The following CNIH3 variants were observed in gnomAD, a reference collection of about 807,000 sequenced individuals.
CNIH3 encodes the protein protein cornichon homolog 3.
CNIH3 carries 14 observed loss-of-function variants against 24.1 expected under a neutral mutation model. That is an observed-to-expected ratio of 0.58 (90% CI 0.38 to 0.91). The LOEUF is 0.91. Among genes scored for constraint, CNIH3 ranks in the 40% least tolerant of loss-of-function variants. CNIH3 has a pLI of 0.00. For missense variants in CNIH3, 178 were observed against 196.8 expected (o/e 0.90, Z 0.57); for synonymous variants, 68 against 73.8 (o/e 0.92, Z 0.40).
At chr1:224,644,557 A>G (rs1349740091) in intron 1 of CNIH3, among the ~76,000 whole-genome samples, 3 of 152,190 alleles carry the variant, frequency 2.0e-5, no homozygotes, top group South Asian at 2.1e-4. Flanking sequence ...AACAAATTCT[A>G]CAAATCAAGG....
intron 4 of CNIH3, among the ~76,000 whole-genome samples, chr1:224,733,680 C>A (rs1031073490): frequency 6.6e-6 from 1 of 152,198 alleles, no homozygotes; most frequent in African/African-American, 2.4e-5. Context: ...GTCCCAGAGC[C>A]CAGGGAAGCC....
chr1:224,577,604 C>A (rs570240130), intron 4 of CNIH3, among the ~76,000 whole-genome samples: 1 of 152,080 alleles, frequency 6.6e-6, no homozygotes, highest in South Asian at 2.1e-4. Context: ...CACTTTTATA[C>A]TGCTGGTGAG....
intron 4 of CNIH3, among the ~76,000 whole-genome samples, chr1:224,580,952 C>T (rs2125013958): frequency 6.6e-6 from 1 of 152,246 alleles, no homozygotes; most frequent in African/African-American, 2.4e-5. Flanking sequence ...GAGGACAATT[C>T]TAGTCTCCTC....
intron 3 of CNIH3, among the ~76,000 whole-genome samples, chr1:224,559,456 A>T (rs1680272762): frequency 6.6e-6 from 1 of 152,086 alleles, no homozygotes; most frequent in Admixed American, 6.5e-5. Context: ...CCCTGTACTC[A>T]TGGGCTCGAG....
At chr1:224,478,898 G>T (rs1356910024) in intron 1 of CNIH3, among the ~76,000 whole-genome samples, 2 of 152,124 alleles carry the variant, frequency 1.3e-5, no homozygotes, top group Admixed American at 1.3e-4. Flanking sequence ...AGCTTGTGCA[G>T]AAAAACTCCC....
chr1:224,539,205 A>T (rs1489841327), downstream of CNIH3, among the ~76,000 whole-genome samples: 2 of 152,124 alleles, frequency 1.3e-5, no homozygotes, highest in Non-Finnish European at 2.9e-5. Context: ...TTTACTTATC[A>T]TGGCTATTAG....
At chr1:224,467,687 T>C (rs1294616741) in intron 1 of CNIH3, among the ~76,000 whole-genome samples, 1 of 151,764 alleles carries the variant, frequency 6.6e-6, no homozygotes, top group Non-Finnish European at 1.5e-5. Flanking sequence ...ACCTCCCATA[T>C]TGCTGGGATT....
chr1:224,606,029 G>A (rs1682403267), intron 3 of CNIH3, among the ~76,000 whole-genome samples: 1 of 152,182 alleles, frequency 6.6e-6, no homozygotes, highest in African/African-American at 2.4e-5. Flanking sequence ...ACGCCTCTCA[G>A]GAAGGGGAAC....
chr1:224,482,843 A>G (rs1202639022), intron 1 of CNIH3, among the ~76,000 whole-genome samples: 1 of 152,066 alleles, frequency 6.6e-6, no homozygotes, highest in Admixed American at 6.6e-5. Flanking sequence ...TATGGCCTAG[A>G]CAGTCTTTCA....
chr1:224,542,619 C>A (rs1215091143), intron 2 of CNIH3, among the ~76,000 whole-genome samples: 1 of 152,108 alleles, frequency 6.6e-6, no homozygotes, highest in Non-Finnish European at 1.5e-5. Flanking sequence ...AATATTTACT[C>A]TAAGGATATG....
At chr1:224,570,417 T>C (rs1680767732) in intron 4 of CNIH3, among the ~76,000 whole-genome samples, 1 of 152,226 alleles carries the variant, frequency 6.6e-6, no homozygotes. Flanking sequence ...GAACATGCGA[T>C]ATTCGGTTTT....
chr1:224,524,760 T>A (rs1201323937), intron 2 of CNIH3, among the ~76,000 whole-genome samples: 1 of 152,204 alleles, frequency 6.6e-6, no homozygotes, highest in Non-Finnish European at 1.5e-5. Flanking sequence ...CCTCTTATGA[T>A]AATAGCTCCC....
At chr1:224,516,867 C>T (rs1678410970) in intron 1 of CNIH3, among the ~76,000 whole-genome samples, 1 of 152,090 alleles carries the variant, frequency 6.6e-6, no homozygotes, top group Non-Finnish European at 1.5e-5. Context: ...CCTTGTGAGC[C>T]CTTCCTGGCC....
intron 4 of CNIH3, among the ~76,000 whole-genome samples, chr1:224,578,128 A>G (rs887034109): frequency 1.3e-5 from 2 of 152,162 alleles, no homozygotes; most frequent in African/African-American, 4.8e-5. Flanking sequence ...GAACTTTTCC[A>G]TGCACCCAGA....
intron 4 of CNIH3, among the ~76,000 whole-genome samples, chr1:224,570,949 A>G (rs1680792888): frequency 5.9e-5 from 9 of 151,548 alleles, no homozygotes; most frequent in Admixed American, 5.9e-4. Context: ...TACTCTCAGC[A>G]CCGTGAATTT....
intron 1 of CNIH3, among the ~76,000 whole-genome samples, chr1:224,437,971 G>A (rs907869835): frequency 2.7e-5 from 4 of 149,196 alleles, no homozygotes; most frequent in Non-Finnish European, 5.9e-5. Flanking sequence ...GGAGTGCAGT[G>A]GCGCGATCTT....
chr1:224,725,001 G>C (rs1261778206), intron 3 of CNIH3, among the ~76,000 whole-genome samples: 1 of 152,092 alleles, frequency 6.6e-6, no homozygotes, highest in Non-Finnish European at 1.5e-5. Flanking sequence ...ACGAGGTCAG[G>C]AGTTCAAGAT....
At chr1:224,503,664 G>GTT (rs1462181385) in intron 1 of CNIH3, among the ~76,000 whole-genome samples, 1 of 152,234 alleles carries the variant, frequency 6.6e-6, no homozygotes, top group African/African-American at 2.4e-5. Context: ...GCTGCCTGGT[G>GTT]TTTAGCAAGG....
intron 3 of CNIH3, among the ~76,000 whole-genome samples, chr1:224,561,845 A>G (rs1680386387): frequency 2.0e-5 from 3 of 152,230 alleles, no homozygotes; most frequent in Admixed American, 6.5e-5. Context: ...AGTAGAACCT[A>G]GAATAAGAGA....
Sources: gnomAD v4.1 joint callset for allele counts (sites outside exome capture counted in the v4.1 genomes callset) on GRCh38, gnomAD v4.1.1 for gene constraint, MANE v1.5 for transcripts, NCBI Gene and HGNC (gene_info 2026-07-23, HGNC 2026-07-21) for gene names.